Variants in MIGA2 observed in about 807,000 individuals in gnomAD.
MIGA2 encodes mitoguardin 2, also known as family with sequence similarity 73, member B.
A neutral mutation model predicts 69.9 loss-of-function variants in MIGA2; 36 were observed. The observed-to-expected ratio is 0.52, with a 90% CI of 0.39 to 0.68. MIGA2 has a LOEUF of 0.68. Ranked by LOEUF, MIGA2 falls within the 30% of genes least tolerant of loss-of-function variation. The pLI is 0.00. For synonymous variants in MIGA2, 333 were observed against 349.2 expected (o/e 0.95, Z 0.52); for missense variants, 660 against 787.7 (o/e 0.84, Z 1.94).
chr9:129,067,896 G>T, intron 12 of MIGA2, 25 bp downstream of exon 12: 1 of 1,597,562 alleles, frequency 6.3e-7, no homozygotes, highest in South Asian at 1.1e-5. Flanking sequence ...GCTGAACCCC[G>T]ACATCCCGGG....
At chr9:129,049,353 C>CT in intron 4 of MIGA2, 28 bp from the exon 5 acceptor site, 1 of 1,609,346 alleles carries the variant, frequency 6.2e-7, no homozygotes, top group Non-Finnish European at 8.5e-7. Flanking sequence ...AAGCTTCACT[C>CT]TTTCTTCTTG....
At position 129,060,648 on chromosome 9, in the gene MIGA2, G is replaced by C; in HGVS notation, c.892G>C (p.Glu298Gln). The C allele has an allele frequency of 6.3e-7, 1 of 1,584,068 alleles. No homozygotes were observed. Among genetic ancestry groups the C allele is most frequent in the East Asian group, 2.3e-5 (1 of 43,526 alleles). Residue 298 changes from glutamate to glutamine, a missense_variant and splice_region_variant, in exon 8 of 16, where the codon GAG becomes CAG. This residue lies in a region of MIGA2 where 386 missense variants were observed against 402.0 expected (regional missense o/e 0.96). Transcript: ENST00000684074. This position sits in a 1 kb window ranked among gnomAD's most constrained non-coding sequence, Gnocchi z 4.8. ...TSEDSFFSAT[E>Q]LFESLQTGDY... ...AGAGGATTCCTTCTTCTCCGCCACC[G>C]AGGTGACTCGGGGTGGGGACCAAGC...
intron 11 of MIGA2, among the ~76,000 whole-genome samples, chr9:129,066,599 A>G (rs576195086): frequency 2.4e-3 from 327 of 135,980 alleles, no homozygotes; most frequent in African/African-American, 8.6e-3. Flanking sequence ...GCATGAACCC[A>G]GGAGGCGGAG....
Position 129,068,297 on chromosome 9 carries a change from C to T in MIGA2, c.1369C>T (p.Arg457Trp), listed in dbSNP as rs766886440. The T allele has an allele frequency of 2.4e-5, 39 of 1,609,392 alleles. No homozygotes were observed. The highest frequency in any genetic ancestry group is 4.5e-5 in the East Asian group (2 of 44,842). The change falls in exon 13 of 16, where the codon CGG becomes TGG. Residue 457 changes from arginine (R) to tryptophan (W), a missense_variant. By Grantham distance (101) the Arg-to-Trp change is moderately radical. Transcript: ENST00000684074. This position sits in a 1 kb window ranked among gnomAD's most constrained non-coding sequence, Gnocchi z 4.1. ...NPPASVLAVLRNRWLSDSFKE... is the reference protein window; with the variant it reads ...NPPASVLAVLWNRWLSDSFKE... ...TCCGGCCTCGGTGCTCGCCGTCCTGCGGAACCGCTGGCTGTCAGACAGCTT... is the reference window on the plus strand; with the variant it reads ...TCCGGCCTCGGTGCTCGCCGTCCTGTGGAACCGCTGGCTGTCAGACAGCTT...
chr9:129,070,111 C>A, intron 15 of MIGA2, 136 bp from the exon 16 acceptor site: 2 of 1,241,972 alleles, frequency 1.6e-6, no homozygotes, highest in Non-Finnish European at 2.3e-6. Context: ...CCAGAGGAAG[C>A]AGTGGGAGGG....
At chr9:129,039,976 C>T (rs1259445835) in intron 1 of MIGA2, 3 of 152,096 alleles carry the variant, frequency 2.0e-5, no homozygotes, top group Non-Finnish European at 4.4e-5. Flanking sequence ...AACTCCCGAC[C>T]TCAGGTGATC....
At chr9:129,041,449 G>A (rs917405500) in intron 2 of MIGA2, among the ~76,000 whole-genome samples, 1 of 151,192 alleles carries the variant, frequency 6.6e-6, no homozygotes. Context: ...AGTCGAGATC[G>A]CACCACTGCA....
chr9:129,044,909 C>A (rs951882146), intron 3 of MIGA2, among the ~76,000 whole-genome samples: 1 of 149,412 alleles, frequency 6.7e-6, no homozygotes, highest in Non-Finnish European at 1.5e-5. Flanking sequence ...TTTTAAGAAG[C>A]AAAAGTAAGG....
chr9:129,053,878 G>A (rs1189783542), intron 6 of MIGA2, among the ~76,000 whole-genome samples: 1 of 151,930 alleles, frequency 6.6e-6, no homozygotes, highest in Non-Finnish European at 1.5e-5. Flanking sequence ...AGGCTGGAGT[G>A]CAGTGGCGTG....
At chr9:129,063,405 T>A (rs187063560) in intron 10 of MIGA2, 89 bp downstream of exon 10, 1 of 1,557,194 alleles carries the variant, frequency 6.4e-7, no homozygotes, top group Non-Finnish European at 8.7e-7. Context: ...GGCCTCCTGG[T>A]CCCTGGCCAG....
intron 9 of MIGA2, among the ~76,000 whole-genome samples, chr9:129,062,074 G>T (rs1588406500): frequency 7.1e-6 from 1 of 140,780 alleles, no homozygotes; most frequent in African/African-American, 2.7e-5. Flanking sequence ...TAGTAGAGAT[G>T]GGGTTTCACT....
At chr9:129,041,871 G>A (rs1844924333) in intron 2 of MIGA2, among the ~76,000 whole-genome samples, 1 of 152,196 alleles carries the variant, frequency 6.6e-6, no homozygotes, top group Admixed American at 6.5e-5. Context: ...ACTGAGAAAT[G>A]GGGGTCAGCA....
Position 129,070,632 on chromosome 9 carries a change from C to A in MIGA2, c.*179C>A. The A allele has an allele frequency of 1.5e-6, 1 of 674,934 alleles. No individual in the cohort carries two copies. The highest frequency in any genetic ancestry group is 2.4e-6 in the Non-Finnish European group (1 of 411,684). 41.8% of individuals were successfully genotyped at this position (674,934 alleles called of 1,614,324 possible). A position where few individuals can be genotyped will look rare whatever the true frequency, so the allele number is the denominator to read the frequency against. ...GGAGAAGAACGGTTCCTGGGGGAAG[C>A]AGAGGCCAGGACCAGTGGGGCCTGT... On this transcript the variant is annotated 3_prime_UTR_variant, in exon 16 of 16. Transcript: ENST00000684074.
rs1265183249 is a variant in MIGA2, at chr9:129,068,381, T to C, written c.1404+49T>C. 1 of 1,595,162 alleles carries C rather than the reference T, an allele frequency of 6.3e-7. No homozygotes were observed. The highest frequency in any genetic ancestry group is 2.2e-5 in the East Asian group (1 of 44,778). ...ACCCACACTTGCTCACATCAGCCCG[T>C]GTGGTTGCCTGGCTCCGTCCCCTCT... On this transcript the variant is annotated intron_variant, in intron 13 of 15. Transcript: ENST00000684074. The surrounding 1 kb of genome is among the most constrained non-coding windows in gnomAD (Gnocchi z 4.1).
chr9:129,059,458 C>T lies in MIGA2; in HGVS notation c.793+187C>T, dbSNP rs560734905. ...GGGGAAACTGAGGTGTTCCCTTCTCCATGGCAGGCTGGAGCAGAGCTGAGG... is the reference window on the plus strand; with the variant it reads ...GGGGAAACTGAGGTGTTCCCTTCTCTATGGCAGGCTGGAGCAGAGCTGAGG... On this transcript the variant is annotated intron_variant, in intron 7 of 15. Coordinates refer to ENST00000684074, the MANE Select transcript of MIGA2 (RefSeq NM_001329990.2). The surrounding 1 kb of genome is among the most constrained non-coding windows in gnomAD (Gnocchi z 5.6). 5.6e-4 allele frequency among the ~76,000 whole-genome samples: 85 copies of T among 152,308 alleles called. No individual in the cohort carries two copies. The highest frequency in any genetic ancestry group is 2.0e-3 in the African/African-American group (84 of 41,574).
In MIGA2 at chr9:129,060,035, C is replaced by G. The variant is rs571366720; in HGVS notation, c.794-515C>G. ...GCCCGCCGCAGGTCTGTGGCCTTTGCTTATTTGCTCGACAATCCTTTCCTG... is the reference window on the plus strand; with the variant it reads ...GCCCGCCGCAGGTCTGTGGCCTTTGGTTATTTGCTCGACAATCCTTTCCTG... On this transcript the variant is annotated intron_variant, in intron 7 of 15. Coordinates refer to ENST00000684074, the MANE Select transcript of MIGA2 (RefSeq NM_001329990.2). This position sits in a 1 kb window ranked among gnomAD's most constrained non-coding sequence, Gnocchi z 4.8. Among the ~76,000 whole-genome samples the G allele has an allele frequency of 4.5e-4, 69 of 152,322 alleles. No homozygotes were observed. Among genetic ancestry groups the G allele is most frequent in the Non-Finnish European group, 8.5e-4 (58 of 68,012 alleles).
chr9:129,049,591 C>T (rs1387788478), intron 5 of MIGA2, 93 bp downstream of exon 5: 26 of 1,327,326 alleles, frequency 2.0e-5, no homozygotes, highest in Admixed American at 1.4e-4. Flanking sequence ...TCACTTTGCC[C>T]CTCACTACCC....
intron 3 of MIGA2, among the ~76,000 whole-genome samples, chr9:129,043,275 T>G (rs1208347905): frequency 1.3e-5 from 2 of 151,590 alleles, no homozygotes; most frequent in Non-Finnish European, 2.9e-5. Context: ...CTTTGACACA[T>G]AGAGTCATCC....
At position 129,041,448 on chromosome 9, in the gene MIGA2, C is replaced by T. The variant is rs538127885; in HGVS notation, c.96+758C>T. Among the ~76,000 whole-genome samples the T allele has an allele frequency of 4.1e-4, 63 of 152,020 alleles. 1 individual carries two copies. In the South Asian group the frequency reaches 9.3e-3, roughly 23 times the overall value. ...AGCGGAGGTTGCAGTGAGTCGAGAT[C>T]GCACCACTGCACTCCAGCCTGGGCA... On this transcript the variant is annotated intron_variant, in intron 2 of 15. Transcript: ENST00000684074.
Sources: gnomAD v4.1 joint callset for allele counts (sites outside exome capture counted in the v4.1 genomes callset) on GRCh38, gnomAD v4.1.1 for gene constraint, gnomAD v4.1.1 regional missense constraint, Gnocchi (gnomAD v3.1) non-coding constraint, MANE v1.5 for transcripts, NCBI Gene and HGNC (gene_info 2026-07-23, HGNC 2026-07-21) for gene names.